The following GGTLC2 variants were observed in gnomAD, a reference collection of about 807,000 sequenced individuals.
The protein encoded by GGTLC2 is gamma-glutamyltransferase light chain 2.
In GGTLC2, 13 loss-of-function variants were observed where a neutral mutation model predicts 20.2. The ratio of observed to expected loss-of-function variants is 0.64; its 90% CI spans 0.42 to 1.02. The LOEUF is 1.02. Ranked by LOEUF, GGTLC2 falls within the 50% of genes least tolerant of loss-of-function variation. The pLI is 0.00. For synonymous variants in GGTLC2, 89 were observed against 125.5 expected (o/e 0.71, Z 1.94); for missense variants, 202 against 301.3 (o/e 0.67, Z 2.44).
rs1180593782 is a variant in GGTLC2, at chr22:22,644,882, C to CTTTTT, written c.-35+196_-35+200dup. Among the ~76,000 whole-genome samples the CTTTTT allele has an allele frequency of 3.5e-3, 114 of 32,538 alleles. 7 individuals are homozygous for CTTTTT. The highest frequency in any genetic ancestry group is 4.7e-3 in the Non-Finnish European group (99 of 20,910). 21.3% of individuals were successfully genotyped at this position (32,538 alleles called of 152,430 possible). On this transcript the variant is annotated intron_variant, in intron 1 of 5. Transcript: ENST00000448514. ...CCTGGGCAACAGAGTCAGACTCTCT[C>CTTTTT]TTTTTTTTTTTTTTTTTTTTTTTTT...
chr22:22,647,810 T>C lies in GGTLC2; in HGVS notation c.*69T>C, dbSNP rs2064150594. On this transcript the variant is annotated 3_prime_UTR_variant, in exon 6 of 6. Coordinates refer to ENST00000448514, the MANE Select transcript of GGTLC2 (RefSeq NM_199127.3). Reference sequence around the variant, plus strand: ...TACTCACCAGGACCAGGAAGGGGACTCTGGGGGACTGGCTTCCCCTGTGAG... The same window carrying C: ...TACTCACCAGGACCAGGAAGGGGACCCTGGGGGACTGGCTTCCCCTGTGAG... 1.3e-6 allele frequency: 2 copies of C among 1,596,878 alleles called. No homozygotes were observed. Among genetic ancestry groups the C allele is most frequent in the Admixed American group, 1.7e-5 (1 of 57,440 alleles).
Position 22,644,879 on chromosome 22 carries a change from TCTC to T in GGTLC2, c.-35+172_-35+174del, listed in dbSNP as rs1359607487. ...CAGCCTGGGCAACAGAGTCAGACTC[TCTC>T]TTTTTTTTTTTTTTTTTTTTTTTTT... On this transcript the variant is annotated intron_variant, in intron 1 of 5. Coordinates refer to ENST00000448514, the MANE Select transcript of GGTLC2 (RefSeq NM_199127.3). 6.4e-3 allele frequency among the ~76,000 whole-genome samples: 418 copies of T among 65,418 alleles called. 2 individuals are homozygous for T. Among genetic ancestry groups the T allele is most frequent in the Middle Eastern group, 0.051 (5 of 98 alleles). The allele number at this position is 65,418 out of a possible 152,430, so 42.9% of individuals were successfully genotyped here.
intron 3 of GGTLC2, 43 bp from the exon 4 acceptor site, chr22:22,646,940 C>T: frequency 6.2e-7 from 1 of 1,611,832 alleles, no homozygotes; most frequent in Non-Finnish European, 8.5e-7. Context: ...GTGTCCTGGG[C>T]AGGCAGCTGA....
intron 1 of GGTLC2, among the ~76,000 whole-genome samples, 188 bp downstream of exon 1, chr22:22,644,896 T>C (rs1278707793): frequency 1.2e-5 from 1 of 80,920 alleles, no homozygotes; most frequent in Non-Finnish European, 2.3e-5. Context: ...TTTTTTTTTT[T>C]TTTTTTTTTT....
chr22:22,645,869 G>T (rs1205292074), intron 1 of GGTLC2, among the ~76,000 whole-genome samples: 1 of 150,126 alleles, frequency 6.7e-6, no homozygotes, highest in African/African-American at 2.5e-5. Context: ...CTTTTCACAC[G>T]TTGCCTCCTC....
Position 22,647,238 on chromosome 22 carries a change from T to C in GGTLC2, c.458T>C (p.Leu153Pro). 1 of 1,611,262 alleles carries C rather than the reference T, an allele frequency of 6.2e-7. No individual in the cohort carries two copies. Among genetic ancestry groups the C allele is most frequent in the Non-Finnish European group, 8.5e-7 (1 of 1,179,488 alleles). Reference sequence around the variant, plus strand: ...AAGCGGGCCGTGGAGGAGCCCCGGCTGCACAACCAGCTTCTGCCCAACGTC... The same window carrying C: ...AAGCGGGCCGTGGAGGAGCCCCGGCCGCACAACCAGCTTCTGCCCAACGTC... ...DVKRAVEEPR[L>P]HNQLLPNVTT... Residue 153 changes from leucine to proline, a missense_variant, in exon 5 of 6, where the codon CTG becomes CCG. This residue lies in a region of GGTLC2 where 65 missense variants were observed against 87.5 expected (regional missense o/e 0.74). Transcript: ENST00000448514.
chr22:22,646,974 C>T lies in GGTLC2; in HGVS notation c.305-9C>T, dbSNP rs370226263. 2.7e-5 allele frequency: 43 copies of T among 1,611,674 alleles called. No individual in the cohort carries two copies. The highest frequency in any genetic ancestry group is 2.0e-4 in the South Asian group (18 of 90,986). ...GACGGGCATCCCTGTCTTCTCCCAT[C>T]GGCCACAGGGAAGCAGCCGCTCTCG... On this transcript the variant is annotated splice_polypyrimidine_tract_variant and intron_variant, in intron 3 of 5. Transcript: ENST00000448514.
Position 22,647,156 on chromosome 22 carries a change from G to A in GGTLC2, c.376G>A (p.Asp126Asn), listed in dbSNP as rs752473748. 3.5e-5 allele frequency: 57 copies of A among 1,611,500 alleles called. No individual in the cohort carries two copies. The highest frequency in any genetic ancestry group is 2.2e-4 in the Admixed American group (13 of 59,958). The change falls in exon 5 of 6, where the codon GAT becomes AAT. Residue 126 changes from aspartate to asparagine, a missense_variant. Around this residue, in one of 4 missense-constraint regions of GGTLC2, gnomAD observed 65 missense variants for 87.5 expected, o/e 0.74. Coordinates refer to ENST00000448514, the MANE Select transcript of GGTLC2 (RefSeq NM_199127.3). ...GQDGQPPSHA[D>N]HTPMPQAIIY... ...CCCTGCACAGCCCCCAAGCCATGCT[G>A]ATCACACTCCCATGCCCCAGGCCAT...
rs1452818241 is a variant in GGTLC2 at position 22,647,291 on chromosome 22, G to A, written c.510+1G>A. ...GACAGTGGAGAGAAACATTGACCAGGTGGGCCGGGGGTTGGAGAAACTGAG... is the reference window on the plus strand; with the variant it reads ...GACAGTGGAGAGAAACATTGACCAGATGGGCCGGGGGTTGGAGAAACTGAG... On this transcript the variant is annotated splice_donor_variant, in intron 5 of 5. Coordinates refer to ENST00000448514, the MANE Select transcript of GGTLC2 (RefSeq NM_199127.3). LOFTEE classifies it high-confidence loss of function. 3.1e-6 allele frequency: 5 copies of A among 1,609,590 alleles called. No individual in the cohort carries two copies. The African/African-American group carries it at 6.7e-5, about 22-fold the overall frequency.
intron 1 of GGTLC2, chr22:22,646,037 T>C: frequency 1.1e-6 from 1 of 918,318 alleles, no homozygotes; most frequent in South Asian, 1.9e-5. Flanking sequence ...GTTCCAGGCA[T>C]GCAGTGCAAA....
chr22:22,646,195 C>A, intron 1 of GGTLC2, 117 bp from the exon 2 acceptor site: 3 of 1,381,328 alleles, frequency 2.2e-6, no homozygotes, highest in Non-Finnish European at 2.9e-6. Context: ...TGGGCCTGCC[C>A]TTGGGTCCTG....
rs764635266 is a variant in GGTLC2, at chr22:22,647,297, C to T, written c.510+7C>T. 4.4e-5 allele frequency: 70 copies of T among 1,608,656 alleles called. No individual in the cohort carries two copies. The highest frequency in any genetic ancestry group is 1.0e-4 in the Admixed American group (6 of 59,750). ...GGAGAGAAACATTGACCAGGTGGGC[C>T]GGGGGTTGGAGAAACTGAGTCACGG... On this transcript the variant is annotated splice_region_variant and intron_variant, in intron 5 of 5. Coordinates refer to ENST00000448514, the MANE Select transcript of GGTLC2 (RefSeq NM_199127.3).
chr22:22,647,115 T>A (rs201972260), intron 4 of GGTLC2, 26 bp from the exon 5 acceptor site: 120 of 1,611,468 alleles, frequency 7.4e-5, no homozygotes, highest in Non-Finnish European at 9.7e-5. Flanking sequence ...ACCCCTTTTC[T>A]CCCTGGCCGT....
rs149057858 is a variant in GGTLC2, at chr22:22,646,379, G to T, written c.34G>T (p.Ala12Ser). The change falls in exon 2 of 6, where the codon GCC (alanine) becomes TCC (serine). Residue 12 changes from alanine (A) to serine (S), a missense_variant. By Grantham distance (99) the Ala-to-Ser change is moderately conservative. This residue lies in a region of GGTLC2 where 44 missense variants were observed against 81.2 expected (regional missense o/e 0.54). Transcript: ENST00000448514. ...TGAGTTCTTCGCTGCCCAGCTCCGGGCCCAGATCTCTGACGACACCACTCA... is the reference window on the plus strand; with the variant it reads ...TGAGTTCTTCGCTGCCCAGCTCCGGTCCCAGATCTCTGACGACACCACTCA... Reference protein sequence around the residue: ...TSEFFAAQLRAQISDDTTHPI... With the variant: ...TSEFFAAQLRSQISDDTTHPI... 1.4e-3 allele frequency: 2,262 copies of T among 1,566,080 alleles called. 13 individuals are homozygous for T. Among genetic ancestry groups the T allele is most frequent in the African/African-American group, 5.8e-3 (417 of 72,308 alleles).
In GGTLC2 at chr22:22,647,008, C is replaced by T. The variant is rs1375535138; in HGVS notation, c.330C>T (p.Cys110=). 3 of 1,611,640 alleles carry T rather than the reference C, an allele frequency of 1.9e-6. No homozygotes were observed. Among genetic ancestry groups the T allele is most frequent in the Non-Finnish European group, 2.5e-6 (3 of 1,179,800 alleles). The change falls in exon 4 of 6, where the codon TGC becomes TGT. Residue 110 remains cysteine (C), a synonymous_variant. Transcript: ENST00000448514. ...GGAAGCAGCCGCTCTCGTCAATGTG[C>T]CCGACGATCATGGTGGGCCAGGACG... is the stretch of plus-strand genomic sequence containing the variant. The part of the protein sequence containing the change: ...QPGKQPLSSM[C]PTIMVGQDGQ...
rs772884854 is a variant in GGTLC2 at position 22,646,859 on chromosome 22, A to T, written c.282A>T (p.Ser94=). The change falls in exon 3 of 6, where the codon TCA becomes TCT. Residue 94 remains serine, a synonymous_variant. Transcript: ENST00000448514. ...NITNEFGVPP[S]PANFIQPGKQ... is the part of the protein sequence containing the mutation. ...CCAACGAGTTTGGGGTGCCCCCCTC[A>T]CCTGCCAATTTCATCCAGCCAGGTA... 5.6e-6 allele frequency: 9 copies of T among 1,602,104 alleles called. No individual in the cohort carries two copies. The African/African-American group carries it at 1.2e-4, about 22-fold the overall frequency.
chr22:22,646,836 A>G lies in GGTLC2; in HGVS notation c.259A>G (p.Asn87Asp), dbSNP rs201506889. The change falls in exon 3 of 6, where the codon AAC becomes GAC. Residue 87 changes from asparagine (N) to aspartate (D), a missense_variant. By Grantham distance (23) the Asn-to-Asp change is conservative. Transcript: ENST00000448514. ...TGACTTCAGCTCTCCCAACATCACCAACGAGTTTGGGGTGCCCCCCTCACC... is the reference window on the plus strand; with the variant it reads ...TGACTTCAGCTCTCCCAACATCACCGACGAGTTTGGGGTGCCCCCCTCACC... Reference protein sequence around the residue: ...MDDFSSPNITNEFGVPPSPAN... With the variant: ...MDDFSSPNITDEFGVPPSPAN... 5.6e-6 allele frequency: 9 copies of G among 1,613,014 alleles called. No homozygotes were observed. Among genetic ancestry groups the G allele is most frequent in the Non-Finnish European group, 6.8e-6 (8 of 1,179,678 alleles).
Position 22,646,391 on chromosome 22 carries a change from G to C in GGTLC2, c.46G>C (p.Asp16His), listed in dbSNP as rs370691424. 43 of 1,573,122 alleles carry C rather than the reference G, an allele frequency of 2.7e-5. No individual in the cohort carries two copies. In the African/African-American group the frequency reaches 4.4e-4, roughly 16 times the overall value. The change falls in exon 2 of 6, where the codon GAC (aspartate) becomes CAC (histidine). Residue 16 changes from aspartate to histidine, a missense_variant. By Grantham distance (81) the Asp-to-His change is moderately conservative. Transcript: ENST00000448514. ...TGCCCAGCTCCGGGCCCAGATCTCT[G>C]ACGACACCACTCACCCGATCTCCTA... ...FAAQLRAQIS[D>H]DTTHPISYYK...
At position 22,647,294 on chromosome 22, in the gene GGTLC2, G is replaced by C. The variant is rs1479348127; in HGVS notation, c.510+4G>C. 1.9e-6 allele frequency: 3 copies of C among 1,609,456 alleles called. No individual in the cohort carries two copies. The highest frequency in any genetic ancestry group is 1.7e-6 in the Non-Finnish European group (2 of 1,178,656). ...AGTGGAGAGAAACATTGACCAGGTGGGCCGGGGGTTGGAGAAACTGAGTCA... is the reference window on the plus strand; with the variant it reads ...AGTGGAGAGAAACATTGACCAGGTGCGCCGGGGGTTGGAGAAACTGAGTCA... On this transcript the variant is annotated splice_donor_region_variant and intron_variant, in intron 5 of 5. Coordinates refer to ENST00000448514, the MANE Select transcript of GGTLC2 (RefSeq NM_199127.3).
Sources: gnomAD v4.1 joint callset for allele counts (sites outside exome capture counted in the v4.1 genomes callset) on GRCh38, gnomAD v4.1.1 for gene constraint, gnomAD v4.1.1 regional missense constraint, MANE v1.5 for transcripts, NCBI Gene and HGNC (gene_info 2026-07-23, HGNC 2026-07-21) for gene names.